RAB2A: variants seen among roughly 807,000 people sequenced by gnomAD.
The protein encoded by RAB2A is RAB2A, member RAS oncogene family.
In RAB2A, 7 loss-of-function variants were observed where a neutral mutation model predicts 32.5. The ratio of observed to expected loss-of-function variants is 0.22; its 90% CI spans 0.12 to 0.40. The LOEUF is 0.40. RAB2A is among the 10% of genes least tolerant of loss of function. The probability of loss-of-function intolerance (pLI) is 1.00; values close to 1 mark genes in which losing one functional copy is unlikely to be tolerated. For missense variants in RAB2A, 108 were observed against 260.7 expected (o/e 0.41, Z 4.03); for synonymous variants, 79 against 85.2 (o/e 0.93, Z 0.40).
intron 1 of RAB2A, among the ~76,000 whole-genome samples, chr8:60,551,056 A>C (rs146980778): frequency 3.9e-4 from 60 of 152,116 alleles, no homozygotes; most frequent in African/African-American, 1.4e-3. Flanking sequence ...CTTCATTTAA[A>C]TCTCACCTTC....
At chr8:60,550,273 C>G (rs573776348) in intron 1 of RAB2A, among the ~76,000 whole-genome samples, 1 of 118,434 alleles carries the variant, frequency 8.4e-6, no homozygotes, top group South Asian at 3.1e-4. Flanking sequence ...TCAACACATT[C>G]TCTTGGCTCT....
intron 6 of RAB2A, among the ~76,000 whole-genome samples, chr8:60,612,622 C>CT (rs995108105): frequency 2.6e-5 from 4 of 152,210 alleles, no homozygotes; most frequent in African/African-American, 9.7e-5. Context: ...AGTGAGAAGA[C>CT]TATTAGATTC....
chr8:60,606,953 A>G (rs995367827), intron 6 of RAB2A, among the ~76,000 whole-genome samples: 1 of 152,184 alleles, frequency 6.6e-6, no homozygotes, highest in African/African-American at 2.4e-5. Flanking sequence ...GGGGATGCGT[A>G]ACATCTCTTA....
chr8:60,519,625 C>T (rs570010146), intron 1 of RAB2A, among the ~76,000 whole-genome samples: 90 of 152,302 alleles, frequency 5.9e-4, no homozygotes, highest in African/African-American at 2.1e-3. Context: ...CCAGACTTTT[C>T]TGTTGTATAG....
intron 1 of RAB2A, among the ~76,000 whole-genome samples, chr8:60,535,489 C>G (rs905734790): frequency 2.0e-5 from 3 of 152,094 alleles, no homozygotes; most frequent in Non-Finnish European, 2.9e-5. Context: ...GAGGGTAAAT[C>G]TTGAGTGTCT....
intron 3 of RAB2A, among the ~76,000 whole-genome samples, chr8:60,582,100 A>G (rs907224286): frequency 6.6e-5 from 10 of 151,696 alleles, no homozygotes; most frequent in African/African-American, 2.4e-4. Context: ...GGTAAGCCAC[A>G]ACACCCAGCT....
chr8:60,598,572 G>A (rs1042227731), intron 6 of RAB2A, among the ~76,000 whole-genome samples: 2 of 151,912 alleles, frequency 1.3e-5, no homozygotes, highest in Non-Finnish European at 2.9e-5. Flanking sequence ...ATACATCATG[G>A]CCACATGGGG....
At chr8:60,520,034 C>T (rs1295069989) in intron 1 of RAB2A, among the ~76,000 whole-genome samples, 1 of 152,156 alleles carries the variant, frequency 6.6e-6, no homozygotes, top group Non-Finnish European at 1.5e-5. Context: ...GGGTCAAAAA[C>T]ATGCATCTTA....
At chr8:60,575,295 T>C (rs1307843799) in intron 3 of RAB2A, among the ~76,000 whole-genome samples, 2 of 152,054 alleles carry the variant, frequency 1.3e-5, no homozygotes, top group Admixed American at 6.6e-5. Context: ...AGATGGAGTC[T>C]TGTTATGTTT....
rs550042982 is a variant in RAB2A, at chr8:60,518,980, A to G, written c.46+1727A>G. Among the ~76,000 whole-genome samples, 12 of 152,310 alleles carry G rather than the reference A, an allele frequency of 7.9e-5. No individual in the cohort carries two copies. The East Asian group carries it at 2.3e-3, about 29-fold the overall frequency. On this transcript the variant is annotated intron_variant, in intron 1 of 7. Transcript: ENST00000262646. ...TTATTTGAGGCTGTACTGTGGATAA[A>G]TAAAGTATTGTGCATGGAGTAGTGG...
At chr8:60,600,726 A>G (rs775886323) in intron 6 of RAB2A, among the ~76,000 whole-genome samples, 4 of 152,308 alleles carry the variant, frequency 2.6e-5, no homozygotes, top group Non-Finnish European at 5.9e-5. Flanking sequence ...ATGGAATACT[A>G]CTCAACAATA....
intron 5 of RAB2A, among the ~76,000 whole-genome samples, chr8:60,588,232 A>G (rs1803880251): frequency 6.6e-6 from 1 of 152,164 alleles, no homozygotes; most frequent in South Asian, 2.1e-4. Context: ...GCAGTGAGCC[A>G]TGATCATGCC....
intron 1 of RAB2A, among the ~76,000 whole-genome samples, chr8:60,557,056 T>A (rs1807950091): frequency 6.6e-6 from 1 of 152,202 alleles, no homozygotes. Context: ...TTAGAAAAAC[T>A]GTTCTTTTGT....
chr8:60,598,362 A>G (rs1307237233), intron 6 of RAB2A, among the ~76,000 whole-genome samples: 1 of 152,172 alleles, frequency 6.6e-6, no homozygotes, highest in Non-Finnish European at 1.5e-5. Flanking sequence ...CATCTTTTGC[A>G]GAAAATAGAT....
chr8:60,610,355 A>G (rs563814993), intron 6 of RAB2A, among the ~76,000 whole-genome samples: 5 of 152,320 alleles, frequency 3.3e-5, no homozygotes, highest in Admixed American at 2.6e-4. Flanking sequence ...TAATACCTGC[A>G]TTCTGTCTCA....
chr8:60,616,191 T>C (rs967903510), intron 6 of RAB2A, among the ~76,000 whole-genome samples: 9 of 152,250 alleles, frequency 5.9e-5, no homozygotes, highest in Admixed American at 2.6e-4. Flanking sequence ...ATTTAGGTAA[T>C]AAAATTAGTA....
intron 6 of RAB2A, 47 bp downstream of exon 6, chr8:60,592,016 A>G: frequency 1.8e-6 from 2 of 1,090,474 alleles, no homozygotes; most frequent in Non-Finnish European, 2.7e-6. Flanking sequence ...CTTAATAGAA[A>G]TGTTTTATAT....
Position 60,517,021 on chromosome 8 carries a change from C to T in RAB2A, c.-187C>T, listed in dbSNP as rs1040988458. On this transcript the variant is annotated 5_prime_UTR_variant, in exon 1 of 8. Transcript: ENST00000262646. ...CTGGGCTCGGTCGGGCGCTGTCTCC[C>T]TCGGCTCTGCGGGTGTCAGTTCGTC... 18 of 513,534 alleles carry T rather than the reference C, an allele frequency of 3.5e-5. No individual in the cohort carries two copies. The highest frequency in any genetic ancestry group is 1.8e-4 in the African/African-American group (9 of 49,206). The allele number at this position is 513,534 out of a possible 1,614,324, so 31.8% of individuals were successfully genotyped here. A position where few individuals can be genotyped will look rare whatever the true frequency, so the allele number is the denominator to read the frequency against.
At chr8:60,580,000 CTTTT>C (rs10714421) in intron 3 of RAB2A, among the ~76,000 whole-genome samples, 2 of 133,668 alleles carry the variant, frequency 1.5e-5, no homozygotes. Flanking sequence ...ATTAAAGCAC[CTTTT>C]TTTTTTTTTT....
Sources: gnomAD v4.1 joint callset for allele counts (sites outside exome capture counted in the v4.1 genomes callset) on GRCh38, gnomAD v4.1.1 for gene constraint, MANE v1.5 for transcripts, NCBI Gene and HGNC (gene_info 2026-07-23, HGNC 2026-07-21) for gene names.